Variants in TRPM7 observed in about 807,000 individuals in gnomAD.
The protein encoded by TRPM7 is transient receptor potential cation channel subfamily M member 7, also known as LTRPC ion channel family member 7.
A neutral mutation model predicts 229.7 loss-of-function variants in TRPM7; 134 were observed. The observed-to-expected ratio is 0.58, with a 90% confidence interval of 0.51 to 0.67. The LOEUF (loss-of-function observed/expected upper bound fraction) is 0.67, where lower values mean the gene tolerates loss of function less well. Among genes scored for constraint, TRPM7 ranks in the 30% least tolerant of loss-of-function variants. The pLI is 0.00. For missense variants in TRPM7, 1,901 were observed against 2,210.0 expected (o/e 0.86, Z 2.80); for synonymous variants, 699 against 715.2 (o/e 0.98, Z 0.36).
At chr15:50,686,127 C>T (rs2062354597) in intron 1 of TRPM7, among the ~76,000 whole-genome samples, 2 of 152,194 alleles carry the variant, frequency 1.3e-5, no homozygotes, top group Admixed American at 6.5e-5. Flanking sequence ...CATTTGGTTC[C>T]CTTATCTGCC....
intron 22 of TRPM7, among the ~76,000 whole-genome samples, chr15:50,597,757 CA>C (rs2059670524): frequency 6.6e-6 from 1 of 151,560 alleles, no homozygotes; most frequent in Admixed American, 6.6e-5. Flanking sequence ...CTTAAAAAAA[CA>C]AAAACAAAAA....
chr15:50,643,383 T>G lies in TRPM7; in HGVS notation c.492A>C (p.Ala164=). Residue 164 remains alanine (A), a synonymous_variant, in exon 5 of 39, where the codon GCA becomes GCC. Transcript: ENST00000646667. ...TTAAAATCCAGGCTCCAGTTGTAAC[T>G]GCAGCTTTAATAAGACCTTTTCCAA... ...QLLGKGLIKA[A]VTTGAWILTG... 1 of 1,614,210 alleles carries G rather than the reference T, an allele frequency of 6.2e-7. No homozygotes were observed. The highest frequency in any genetic ancestry group is 8.5e-7 in the Non-Finnish European group (1 of 1,180,030).
intron 27 of TRPM7, among the ~76,000 whole-genome samples, chr15:50,589,364 T>G (rs1475241657): frequency 6.6e-6 from 1 of 151,258 alleles, no homozygotes; most frequent in Non-Finnish European, 1.5e-5. Flanking sequence ...AAATAGCTGA[T>G]GTTTTTTATT....
At chr15:50,580,046 T>C (rs1204710880) in intron 30 of TRPM7, among the ~76,000 whole-genome samples, 1 of 152,156 alleles carries the variant, frequency 6.6e-6, no homozygotes, top group Non-Finnish European at 1.5e-5. Flanking sequence ...AGTGCTGGGA[T>C]CACAGGTGTG....
chr15:50,618,656 T>C (rs915269953), intron 13 of TRPM7, among the ~76,000 whole-genome samples: 24 of 152,230 alleles, frequency 1.6e-4, no homozygotes, highest in African/African-American at 5.5e-4. Flanking sequence ...GGGGTACAAG[T>C]ATAGATTTCT....
chr15:50,619,732 A>T lies in TRPM7; in HGVS notation c.1494+13T>A. On this transcript the variant is annotated intron_variant, in intron 13 of 38. Coordinates refer to ENST00000646667, the MANE Select transcript of TRPM7 (RefSeq NM_017672.6). The stretch of plus-strand genomic sequence containing the variant: ...AAAATAACATTTTTCAAAAGCAAAA[A>T]ATAATCTCTTACCTGTTTGACGTCT... The T allele has an allele frequency of 6.4e-7, 1 of 1,558,664 alleles. No homozygotes were observed. The highest frequency in any genetic ancestry group is 1.3e-5 in the South Asian group (1 of 79,194).
intron 9 of TRPM7, 34 bp downstream of exon 9, chr15:50,632,835 T>C: frequency 4.0e-6 from 6 of 1,499,650 alleles, no homozygotes; most frequent in Non-Finnish European, 5.3e-6. Flanking sequence ...AAATGGCCTA[T>C]CAGCTTTTTA....
intron 29 of TRPM7, among the ~76,000 whole-genome samples, chr15:50,582,093 G>C (rs1474591212): frequency 1.3e-5 from 2 of 152,034 alleles, no homozygotes; most frequent in African/African-American, 4.8e-5. Flanking sequence ...CTCCCGAGTA[G>C]CTGAATTACA....
chr15:50,558,606 T>C lies in TRPM7; in HGVS notation c.*3072A>G, dbSNP rs1024114313. 1.3e-5 allele frequency: 2 copies of C among 152,046 alleles called. No individual in the cohort carries two copies. The highest frequency in any genetic ancestry group is 2.4e-5 in the African/African-American group (1 of 41,362). 9.4% of individuals were successfully genotyped at this position (152,046 alleles called of 1,614,324 possible). A position where few individuals can be genotyped will look rare whatever the true frequency, so the allele number is the denominator to read the frequency against. ...TACTTTGGAGGCTGAAGCACGAGAA[T>C]TGCTTGATCTTGGGAGGCAGAGGTT... On this transcript the variant is annotated 3_prime_UTR_variant, in exon 39 of 39. Coordinates refer to ENST00000646667, the MANE Select transcript of TRPM7 (RefSeq NM_017672.6).
At chr15:50,659,211 A>C (rs1596323710) in intron 2 of TRPM7, among the ~76,000 whole-genome samples, 1 of 152,056 alleles carries the variant, frequency 6.6e-6, no homozygotes, top group Non-Finnish European at 1.5e-5. Flanking sequence ...AAAAAAAGAA[A>C]GAACAAACTA....
intron 1 of TRPM7, among the ~76,000 whole-genome samples, chr15:50,664,628 A>T (rs911008433): frequency 1.3e-5 from 2 of 152,206 alleles, no homozygotes; most frequent in African/African-American, 4.8e-5. Context: ...GGCTCACAGA[A>T]GATTAACACA....
chr15:50,655,019 A>G (rs1251587356), intron 3 of TRPM7, among the ~76,000 whole-genome samples: 1 of 146,316 alleles, frequency 6.8e-6, no homozygotes, highest in African/African-American at 2.5e-5. Context: ...AAAAAAAAAG[A>G]AAAGAAAATT....
chr15:50,608,016 T>C (rs1319054793), intron 19 of TRPM7, among the ~76,000 whole-genome samples: 4 of 145,186 alleles, frequency 2.8e-5, no homozygotes, highest in Admixed American at 2.1e-4. Context: ...GATCATGCCA[T>C]TGTACTCTAG....
rs775954155 is a variant in TRPM7, at chr15:50,624,168, T to C, written c.1438A>G (p.Thr480Ala). The C allele has an allele frequency of 1.2e-6, 2 of 1,603,458 alleles. No homozygotes were observed. The highest frequency in any genetic ancestry group is 1.7e-6 in the Non-Finnish European group (2 of 1,176,892). Residue 480 changes from threonine to alanine, a missense_variant and splice_region_variant, in exon 12 of 39, where the codon ACT (threonine) becomes GCT (alanine). This residue lies in a region of TRPM7 where 794 missense variants were observed against 881.9 expected (regional missense o/e 0.90). Transcript: ENST00000646667. ...TIPRLEELYN[T>A]KQGPTNPMLF... ...AAAGAATTTTAATGTAGACTTACAG[T>C]GTTGTAAAGTTCTTCCAGTCTCGGA...
chr15:50,645,504 G>C (rs796988190), intron 4 of TRPM7, among the ~76,000 whole-genome samples: 11 of 152,188 alleles, frequency 7.2e-5, no homozygotes, highest in African/African-American at 1.7e-4. Flanking sequence ...GCTACTTTTT[G>C]TATTTTTAGT....
intron 26 of TRPM7, among the ~76,000 whole-genome samples, chr15:50,591,023 A>C (rs1008786806): frequency 6.6e-6 from 1 of 152,182 alleles, no homozygotes. Flanking sequence ...GAAAGTTTTC[A>C]CTAAGGTCTT....
intron 2 of TRPM7, among the ~76,000 whole-genome samples, 186 bp from the exon 3 acceptor site, chr15:50,658,005 A>ATTTT (rs529961423): frequency 2.9e-5 from 4 of 139,302 alleles, no homozygotes; most frequent in South Asian, 2.3e-4. Flanking sequence ...GACAGTCTCA[A>ATTTT]TTTTTTTTTT....
At chr15:50,625,429 C>G (rs2060527947) in intron 11 of TRPM7, among the ~76,000 whole-genome samples, 1 of 152,028 alleles carries the variant, frequency 6.6e-6, no homozygotes, top group Non-Finnish European at 1.5e-5. Context: ...TATATACTTT[C>G]TGTTTTTTTG....
chr15:50,670,948 C>A (rs2061975464), intron 1 of TRPM7, among the ~76,000 whole-genome samples: 1 of 151,994 alleles, frequency 6.6e-6, no homozygotes, highest in African/African-American at 2.4e-5. Context: ...CCAATGGGGG[C>A]AGATTGCTGG....
Sources: gnomAD v4.1 joint callset for allele counts (sites outside exome capture counted in the v4.1 genomes callset) on GRCh38, gnomAD v4.1.1 for gene constraint, gnomAD v4.1.1 regional missense constraint, MANE v1.5 for transcripts, NCBI Gene and HGNC (gene_info 2026-07-23, HGNC 2026-07-21) for gene names.